The following CACNA2D3 variants were observed in gnomAD, a reference collection of about 807,000 sequenced individuals.
CACNA2D3 encodes the protein calcium voltage-gated channel auxiliary subunit alpha2delta 3, also known as voltage-dependent calcium channel subunit alpha-2/delta-3.
In CACNA2D3, 60 loss-of-function variants were observed where a neutral mutation model predicts 160.6. That is an observed-to-expected ratio of 0.37 (90% CI 0.30 to 0.46). The LOEUF is 0.46. Ranked by LOEUF, CACNA2D3 falls within the 20% of genes least tolerant of loss-of-function variation. CACNA2D3 has a pLI of 1.00. For missense variants in CACNA2D3, 1,205 were observed against 1,365.0 expected, an observed-to-expected ratio of 0.88 and a Z score of 1.85; for synonymous variants, 558 against 492.9, an observed-to-expected ratio of 1.13 and a Z score of -1.75.
chr3:54,879,353 C>A lies in CACNA2D3; in HGVS notation c.1786C>A (p.Arg596=). Residue 596 remains arginine (R), a synonymous_variant, in exon 20 of 38, where the codon CGG becomes AGG. Transcript: ENST00000474759. The stretch of plus-strand genomic sequence containing the variant: ...TTTTTTTTTTTTTTCAATCTAGAAA[C>A]GGGTTTTGGTGATGACAAATGACTA... ...EVKKTVDKGK[R]VLVMTNDYYY... 6.3e-7 allele frequency: 1 copy of A among 1,588,264 alleles called. No homozygotes were observed. Among genetic ancestry groups the A allele is most frequent in the Admixed American group, 1.7e-5 (1 of 57,176 alleles).
chr3:54,513,707 G>A (rs936266931), intron 5 of CACNA2D3, among the ~76,000 whole-genome samples: 2 of 152,048 alleles, frequency 1.3e-5, no homozygotes, highest in African/African-American at 2.4e-5. Flanking sequence ...TTGAGATGGA[G>A]TATCACTCTG....
At chr3:54,446,908 T>G (rs1348472595) in intron 4 of CACNA2D3, among the ~76,000 whole-genome samples, 2 of 152,198 alleles carry the variant, frequency 1.3e-5, no homozygotes, top group African/African-American at 2.4e-5. Flanking sequence ...CTCTGAACTC[T>G]CCAGCTCTCC....
intron 26 of CACNA2D3, among the ~76,000 whole-genome samples, chr3:54,897,328 G>A (rs965419206): frequency 6.6e-6 from 1 of 152,138 alleles, no homozygotes; most frequent in African/African-American, 2.4e-5. Flanking sequence ...CTCTTGACAG[G>A]AGCCTGCAGT....
At chr3:54,934,308 G>A (rs949178647) in intron 27 of CACNA2D3, among the ~76,000 whole-genome samples, 14 of 152,184 alleles carry the variant, frequency 9.2e-5, no homozygotes, top group Admixed American at 1.3e-4. Flanking sequence ...TGACTCAGGA[G>A]GTGAGAACAT....
intron 4 of CACNA2D3, among the ~76,000 whole-genome samples, chr3:54,431,073 TC>T (rs1304138908): frequency 6.6e-6 from 1 of 152,118 alleles, no homozygotes; most frequent in African/African-American, 2.4e-5. Flanking sequence ...GTGCGGTGGC[TC>T]ACGGCTGTAA....
intron 35 of CACNA2D3, among the ~76,000 whole-genome samples, chr3:55,035,074 G>A (rs1575445447): frequency 6.6e-6 from 1 of 152,208 alleles, no homozygotes; most frequent in East Asian, 1.9e-4. Flanking sequence ...CCCTTCTCCA[G>A]GAAGATATAG....
intron 31 of CACNA2D3, among the ~76,000 whole-genome samples, chr3:55,003,872 T>G (rs1703034084): frequency 6.6e-6 from 1 of 152,160 alleles, no homozygotes; most frequent in East Asian, 1.9e-4. Flanking sequence ...ATAAGGGAAC[T>G]TCAGAAAACA....
intron 11 of CACNA2D3, among the ~76,000 whole-genome samples, chr3:54,728,913 C>T (rs1701329265): frequency 6.6e-6 from 1 of 152,144 alleles, no homozygotes; most frequent in South Asian, 2.1e-4. Flanking sequence ...CTGCTTTCTA[C>T]TTGGTTTTAT....
intron 11 of CACNA2D3, among the ~76,000 whole-genome samples, chr3:54,737,173 CATGTGTAT>C (rs1701550137): frequency 8.1e-6 from 1 of 123,738 alleles, no homozygotes; most frequent in Non-Finnish European, 1.7e-5. Flanking sequence ...AGCTTATATC[CATGTGTAT>C]ATGTGTGTGT....
Position 54,563,701 on chromosome 3 carries a change from C to A in CACNA2D3, c.676+770C>A, listed in dbSNP as rs535002654. On this transcript the variant is annotated intron_variant, in intron 6 of 37. Transcript: ENST00000474759. Reference sequence around the variant, plus strand: ...CAGCTGTAGAAATTAACAAGCTCAACCTAAAAGAAGGGGGAGAAAAACCCC... The same window carrying A: ...CAGCTGTAGAAATTAACAAGCTCAAACTAAAAGAAGGGGGAGAAAAACCCC... Among the ~76,000 whole-genome samples, 5 of 152,292 alleles carry A rather than the reference C, an allele frequency of 3.3e-5. No homozygotes were observed. The South Asian group carries it at 1.0e-3, about 32-fold the overall frequency.
chr3:54,465,151 T>C (rs976718790), intron 4 of CACNA2D3, among the ~76,000 whole-genome samples: 4 of 152,054 alleles, frequency 2.6e-5, no homozygotes, highest in Non-Finnish European at 4.4e-5. Flanking sequence ...ACAAATTCAG[T>C]TGCATTTTTA....
intron 25 of CACNA2D3, among the ~76,000 whole-genome samples, chr3:54,895,028 G>A (rs956254011): frequency 6.6e-6 from 1 of 152,022 alleles, no homozygotes; most frequent in African/African-American, 2.4e-5. Context: ...AATTTCTGGA[G>A]AGTCATTTTG....
chr3:54,970,099 A>G (rs1702236408), intron 29 of CACNA2D3, among the ~76,000 whole-genome samples: 1 of 152,092 alleles, frequency 6.6e-6, no homozygotes, highest in South Asian at 2.1e-4. Flanking sequence ...GACATTTTGT[A>G]GGAAATAATA....
chr3:54,965,352 T>C (rs4955824), intron 27 of CACNA2D3, among the ~76,000 whole-genome samples: 59,721 of 152,006 alleles, frequency 0.39, 13,611 homozygotes, highest in East Asian at 0.56. Flanking sequence ...CAAATGATGG[T>C]CTTTAAAAAG....
chr3:54,321,558 A>G (rs1452690892), intron 3 of CACNA2D3, among the ~76,000 whole-genome samples: 2 of 152,194 alleles, frequency 1.3e-5, no homozygotes, highest in Non-Finnish European at 2.9e-5. Context: ...AGGACCGTAT[A>G]TGTACTCACT....
chr3:54,341,389 T>C (rs1428917863), intron 3 of CACNA2D3, among the ~76,000 whole-genome samples: 1 of 152,158 alleles, frequency 6.6e-6, no homozygotes, highest in Non-Finnish European at 1.5e-5. Flanking sequence ...ACCTCCCAGC[T>C]AGGTAACTTG....
intron 11 of CACNA2D3, among the ~76,000 whole-genome samples, chr3:54,668,316 T>A (rs534448680): frequency 6.6e-6 from 1 of 152,290 alleles, no homozygotes; most frequent in South Asian, 2.1e-4. Flanking sequence ...TCATTCTCCA[T>A]TTGTACAATA....
At chr3:54,777,886 A>C (rs1016886860) in intron 13 of CACNA2D3, among the ~76,000 whole-genome samples, 1 of 152,182 alleles carries the variant, frequency 6.6e-6, no homozygotes, top group Non-Finnish European at 1.5e-5. Flanking sequence ...GCCTCTGGAA[A>C]ATATTTGAAG....
intron 14 of CACNA2D3, among the ~76,000 whole-genome samples, chr3:54,836,732 G>T (rs1229169432): frequency 6.6e-6 from 1 of 152,148 alleles, no homozygotes; most frequent in African/African-American, 2.4e-5. Flanking sequence ...GTTGTTTTTA[G>T]CAGGGGCAAC....
Sources: gnomAD v4.1 joint callset for allele counts (sites outside exome capture counted in the v4.1 genomes callset) on GRCh38, gnomAD v4.1.1 for gene constraint, MANE v1.5 for transcripts, NCBI Gene and HGNC (gene_info 2026-07-23, HGNC 2026-07-21) for gene names.